Variants in FERMT1 observed in about 807,000 individuals in gnomAD.
FERMT1 encodes FERM domain containing kindlin 1, also known as fermitin family homolog 1.
Under a neutral mutation model 85.3 loss-of-function variants are expected in FERMT1, and 60 were observed. That is an observed-to-expected ratio of 0.70 (90% CI 0.57 to 0.87). FERMT1 has a LOEUF of 0.87. Among genes scored for constraint, FERMT1 ranks in the 40% least tolerant of loss-of-function variants. The pLI is 0.00. For missense variants in FERMT1, 701 were observed against 818.9 expected, an observed-to-expected ratio of 0.86 and a Z score of 1.76; for synonymous variants, 275 against 301.1, an observed-to-expected ratio of 0.91 and a Z score of 0.90.
In FERMT1 at chr20:6,115,941, A is replaced by T. The variant is rs368160547; in HGVS notation, c.255T>A (p.Asp85Glu). The T allele has an allele frequency of 7.4e-6, 12 of 1,614,078 alleles. No individual in the cohort carries two copies. The highest frequency in any genetic ancestry group is 1.0e-5 in the Non-Finnish European group (12 of 1,180,016). Reference sequence around the variant, plus strand: ...GCTGAGGGGTGAAGAGAAGCTTTGCATCTGCCTGGACCCCATATTTGTCCA... The same window carrying T: ...GCTGAGGGGTGAAGAGAAGCTTTGCTTCTGCCTGGACCCCATATTTGTCCA... ...WTLDKYGVQA[D>E]AKLLFTPQHK... The change falls in exon 3 of 15, where the codon GAT (aspartate) becomes GAA (glutamate). Residue 85 changes from aspartate (D) to glutamate (E), a missense_variant. Physicochemically the swap from Asp to Glu is conservative, Grantham distance 45. Coordinates refer to ENST00000217289, the MANE Select transcript of FERMT1 (RefSeq NM_017671.5).
rs11697549 is a variant in FERMT1, at chr20:6,104,753, C to T, written c.849+2779G>A. Among the ~76,000 whole-genome samples the T allele has an allele frequency of 0.13, 19,856 of 152,220 alleles. 1,719 individuals carry two copies. The highest frequency in any genetic ancestry group is 0.25 in the African/African-American group (10,335 of 41,502). On this transcript the variant is annotated intron_variant, in intron 6 of 14. Coordinates refer to ENST00000217289, the MANE Select transcript of FERMT1 (RefSeq NM_017671.5). The surrounding 1 kb of genome is among the most constrained non-coding windows in gnomAD (Gnocchi z 4.2). ...TCAGCTTCAGTGTCCTTGTCCCCTTCTGGAGTACGATTCGTTTGATTTCTT... is the reference window on the plus strand; with the variant it reads ...TCAGCTTCAGTGTCCTTGTCCCCTTTTGGAGTACGATTCGTTTGATTTCTT...
At chr20:6,107,497 A>T in intron 6 of FERMT1, 35 bp downstream of exon 6, 1 of 1,318,124 alleles carries the variant, frequency 7.6e-7, no homozygotes, top group East Asian at 2.3e-5. Context: ...CATTCATATT[A>T]AAAAGAGAAA....
At chr20:6,097,068 A>G (rs1353613646) in intron 7 of FERMT1, 35 bp from the exon 8 acceptor site, 10 of 1,602,658 alleles carry the variant, frequency 6.2e-6, no homozygotes, top group Non-Finnish European at 6.8e-6. Context: ...AAATGTTATA[A>G]ACAGAAATGT....
At chr20:6,091,908 C>T (rs993890456) in intron 9 of FERMT1, among the ~76,000 whole-genome samples, 1 of 149,812 alleles carries the variant, frequency 6.7e-6, no homozygotes, top group Non-Finnish European at 1.5e-5. Flanking sequence ...TAAGAACGAG[C>T]GAGACAGGCT....
intron 13 of FERMT1, among the ~76,000 whole-genome samples, chr20:6,083,705 AC>A (rs148852633): frequency 3.8e-5 from 4 of 105,756 alleles, no homozygotes; most frequent in African/African-American, 6.9e-5. Flanking sequence ...AAAAAAAAAA[AC>A]AAAAAAAAAA....
At position 6,110,433 on chromosome 20, in the gene FERMT1, G is replaced by C; in HGVS notation, c.611C>G (p.Thr204Ser). The C allele has an allele frequency of 6.2e-7, 1 of 1,614,100 alleles. No individual in the cohort carries two copies. The highest frequency in any genetic ancestry group is 8.5e-7 in the Non-Finnish European group (1 of 1,180,020). ...INGTPASSTM[T>S]WFSDSPLTEQ... ...CGTCAAAGGGCTGTCACTGAACCAA[G>C]TCATGGTGGATGATGCTGGTGTTCC... Residue 204 changes from threonine to serine, a missense_variant, in exon 5 of 15, where the codon ACT becomes AGT. Transcript: ENST00000217289.
chr20:6,082,303 G>A (rs1446512974), intron 13 of FERMT1, among the ~76,000 whole-genome samples: 1 of 152,186 alleles, frequency 6.6e-6, no homozygotes, highest in Non-Finnish European at 1.5e-5. Context: ...TCTCAACACA[G>A]TAGGTTCGGA....
chr20:6,122,527 T>G (rs1983305964), intron 1 of FERMT1, among the ~76,000 whole-genome samples: 1 of 152,156 alleles, frequency 6.6e-6, no homozygotes, highest in Admixed American at 6.5e-5. Flanking sequence ...GGGCGGATGT[T>G]GGGTGGATAA....
At chr20:6,097,799 T>TA (rs397866314) in intron 6 of FERMT1, among the ~76,000 whole-genome samples, 168 bp from the exon 7 acceptor site, 3 of 151,790 alleles carry the variant, frequency 2.0e-5, no homozygotes, top group Non-Finnish European at 4.4e-5. Context: ...ACTTTTTTTT[T>TA]AAAGTTTTTT....
chr20:6,079,418 C>G lies in FERMT1; in HGVS notation c.1860+18G>C, dbSNP rs1276693804. The G allele has an allele frequency of 6.2e-7, 1 of 1,613,772 alleles. No individual in the cohort carries two copies. Among genetic ancestry groups the G allele is most frequent in the African/African-American group, 1.3e-5 (1 of 74,832 alleles). On this transcript the variant is annotated intron_variant, in intron 14 of 14. Transcript: ENST00000217289. The stretch of plus-strand genomic sequence containing the variant: ...CATTTATAGGCTCAACACTGAAGAG[C>G]AAAAACTTTCACTTTACCTGCCGGG...
At chr20:6,089,929 A>C (rs922252085) in intron 9 of FERMT1, among the ~76,000 whole-genome samples, 1 of 152,112 alleles carries the variant, frequency 6.6e-6, no homozygotes, top group African/African-American at 2.4e-5. Context: ...AGAAATTATT[A>C]GTATGCGGTT....
intron 9 of FERMT1, among the ~76,000 whole-genome samples, chr20:6,091,236 G>T (rs912459525): frequency 1.8e-4 from 27 of 150,792 alleles, no homozygotes; most frequent in African/African-American, 6.1e-4. Context: ...TCTTTTTTTT[G>T]TTTTGTTTTT....
chr20:6,085,707 G>A (rs1380251293), intron 11 of FERMT1, among the ~76,000 whole-genome samples: 1 of 152,062 alleles, frequency 6.6e-6, no homozygotes, highest in African/African-American at 2.4e-5. Flanking sequence ...AAAATTAGCT[G>A]TGCGTAGTGG....
rs746474962 is a variant in FERMT1 at position 6,095,032 on chromosome 20, G to A, written c.1090-44C>T. 8 of 1,098,414 alleles carry A rather than the reference G, an allele frequency of 7.3e-6. No individual in the cohort carries two copies. The South Asian group carries it at 8.7e-5, about 12-fold the overall frequency. The allele number at this position is 1,098,414 out of a possible 1,614,324, so 68.0% of individuals were successfully genotyped here. ...AGTTTCAAAAGCAGGAACTTCATAA[G>A]TGATGCTGATACTCAACCTGCACTG... On this transcript the variant is annotated intron_variant, in intron 8 of 14. Coordinates refer to ENST00000217289, the MANE Select transcript of FERMT1 (RefSeq NM_017671.5).
intron 5 of FERMT1, 61 bp from the exon 6 acceptor site, chr20:6,107,695 T>C: frequency 1.2e-6 from 1 of 804,504 alleles, no homozygotes; most frequent in Non-Finnish European, 2.1e-6. Flanking sequence ...TCCATTATAT[T>C]ATTATGTCAT....
intron 10 of FERMT1, among the ~76,000 whole-genome samples, chr20:6,088,239 A>G (rs1262643978): frequency 6.6e-6 from 1 of 152,238 alleles, no homozygotes; most frequent in Non-Finnish European, 1.5e-5. Context: ...AGTTGAGTGT[A>G]CTGGTTAATT....
At chr20:6,108,942 C>G (rs1162855700) in intron 5 of FERMT1, among the ~76,000 whole-genome samples, 1 of 152,096 alleles carries the variant, frequency 6.6e-6, no homozygotes, top group East Asian at 1.9e-4. Flanking sequence ...CTGTCTAGAA[C>G]TTTCTGCAAT....
intron 11 of FERMT1, among the ~76,000 whole-genome samples, chr20:6,086,107 A>G (rs1982176586): frequency 1.3e-5 from 2 of 150,490 alleles, no homozygotes; most frequent in African/African-American, 4.9e-5. Context: ...GCACCACTGC[A>G]CTCCAGCCTG....
intron 13 of FERMT1, among the ~76,000 whole-genome samples, chr20:6,080,231 G>A (rs1396488528): frequency 6.6e-6 from 1 of 152,130 alleles, no homozygotes; most frequent in Non-Finnish European, 1.5e-5. Context: ...AGAGAAATGT[G>A]AGTTCAAGAG....
Sources: gnomAD v4.1 joint callset for allele counts (sites outside exome capture counted in the v4.1 genomes callset) on GRCh38, gnomAD v4.1.1 for gene constraint, Gnocchi (gnomAD v3.1) non-coding constraint, MANE v1.5 for transcripts, NCBI Gene and HGNC (gene_info 2026-07-23, HGNC 2026-07-21) for gene names.